Variants in R3HCC1L observed in about 807,000 individuals in gnomAD.
R3HCC1L encodes R3H domain and coiled-coil containing 1 like.
R3HCC1L carries 51 observed loss-of-function variants against 59.9 expected under a neutral mutation model. The observed-to-expected ratio is 0.85, with a 90% CI of 0.68 to 1.07. R3HCC1L has a LOEUF of 1.07. Among genes scored for constraint, R3HCC1L ranks in the 50% least tolerant of loss-of-function variants. The probability of loss-of-function intolerance (pLI) is 0.00; values close to 1 mark genes in which losing one functional copy is unlikely to be tolerated. For missense variants in R3HCC1L, 965 were observed against 933.0 expected (o/e 1.03, Z -0.45); for synonymous variants, 322 against 315.2 (o/e 1.02, Z -0.23).
intron 1 of R3HCC1L, among the ~76,000 whole-genome samples, chr10:98,139,493 TC>T (rs1395482838): frequency 6.6e-6 from 1 of 152,194 alleles, no homozygotes; most frequent in African/African-American, 2.4e-5. Context: ...AAGAGTACCC[TC>T]CTTCTGTTGT....
At chr10:98,140,453 A>C (rs1210569398) in intron 1 of R3HCC1L, among the ~76,000 whole-genome samples, 4 of 152,090 alleles carry the variant, frequency 2.6e-5, no homozygotes, top group Non-Finnish European at 5.9e-5. Flanking sequence ...GCAGAGAGAG[A>C]GGAGGGTCAG....
intron 1 of R3HCC1L, among the ~76,000 whole-genome samples, chr10:98,148,624 G>A (rs1590401584): frequency 6.6e-6 from 1 of 152,238 alleles, no homozygotes; most frequent in East Asian, 1.9e-4. Flanking sequence ...TGCTTTTTCA[G>A]CATCTATAAA....
intron 1 of R3HCC1L, among the ~76,000 whole-genome samples, chr10:98,148,412 C>G (rs1336027075): frequency 2.0e-5 from 3 of 152,094 alleles, no homozygotes; most frequent in Non-Finnish European, 2.9e-5. Flanking sequence ...GCCAGAACTT[C>G]CAGTATTATG....
chr10:98,184,166 G>A (rs551543746), intron 4 of R3HCC1L, among the ~76,000 whole-genome samples: 1 of 151,864 alleles, frequency 6.6e-6, no homozygotes, highest in East Asian at 1.9e-4. Flanking sequence ...TTGTGTTTAG[G>A]GTAGGATTTA....
At chr10:98,232,835 T>G (rs1027280204) in intron 6 of R3HCC1L, among the ~76,000 whole-genome samples, 3 of 152,144 alleles carry the variant, frequency 2.0e-5, no homozygotes, top group African/African-American at 7.2e-5. Context: ...AACTAAAACT[T>G]TATTTATAAA....
chr10:98,244,428 C>G lies in R3HCC1L; in HGVS notation c.*270C>G, dbSNP rs1333763144. On this transcript the variant is annotated 3_prime_UTR_variant, in exon 10 of 10. Transcript: ENST00000298999. ...GGGAGATGTGAATTCCAAGAGTTGC[C>G]TGGACAGGGCAAGTCATGTTAGCGT... The G allele has an allele frequency of 8.1e-5, 28 of 344,222 alleles. No homozygotes were observed. The highest frequency in any genetic ancestry group is 1.1e-5 in the Non-Finnish European group (2 of 181,886). The allele number at this position is 344,222 out of a possible 1,614,324, so 21.3% of individuals were successfully genotyped here.
intron 4 of R3HCC1L, among the ~76,000 whole-genome samples, chr10:98,166,288 C>G (rs1847939892): frequency 1.3e-5 from 2 of 152,228 alleles, no homozygotes; most frequent in Non-Finnish European, 2.9e-5. Flanking sequence ...TGCTCCGGAA[C>G]CAGGCCATGC....
At chr10:98,142,968 CAAA>C (rs143821810) in intron 1 of R3HCC1L, among the ~76,000 whole-genome samples, 2 of 147,584 alleles carry the variant, frequency 1.4e-5, no homozygotes, top group African/African-American at 5.0e-5. Context: ...CAAAACAAAA[CAAA>C]AAAAAAACAG....
chr10:98,200,017 A>G (rs965037857), intron 4 of R3HCC1L, among the ~76,000 whole-genome samples: 3 of 152,044 alleles, frequency 2.0e-5, no homozygotes, highest in Non-Finnish European at 4.4e-5. Context: ...CCAGTTTCTC[A>G]AGATATTTTC....
chr10:98,165,607 A>G (rs951506439), intron 4 of R3HCC1L, among the ~76,000 whole-genome samples: 1 of 152,248 alleles, frequency 6.6e-6, no homozygotes, highest in Non-Finnish European at 1.5e-5. Flanking sequence ...ATTTCTGGAT[A>G]TTATTTGGAT....
In R3HCC1L at chr10:98,235,928, G is replaced by A. The variant is rs997771039; in HGVS notation, c.2129-96G>A. 3 of 1,351,014 alleles carry A rather than the reference G, an allele frequency of 2.2e-6. No homozygotes were observed. The African/African-American group carries it at 4.4e-5, about 20-fold the overall frequency. 83.7% of individuals were successfully genotyped at this position (1,351,014 alleles called of 1,614,324 possible). On this transcript the variant is annotated intron_variant, in intron 8 of 9. Coordinates refer to ENST00000298999, the MANE Select transcript of R3HCC1L (RefSeq NM_001351015.2). Reference sequence around the variant, plus strand: ...ATTACTGCTGATGCAGCCCTTGTTAGTCTATTTTGTATGTTAATTACTGAG... The same window carrying A: ...ATTACTGCTGATGCAGCCCTTGTTAATCTATTTTGTATGTTAATTACTGAG...
chr10:98,193,299 G>A (rs1851055695), intron 4 of R3HCC1L, among the ~76,000 whole-genome samples: 2 of 151,826 alleles, frequency 1.3e-5, no homozygotes, highest in African/African-American at 2.4e-5. Flanking sequence ...GAAATAAAAA[G>A]CATCCAAATT....
At chr10:98,207,481 A>C (rs1409587013) in intron 4 of R3HCC1L, among the ~76,000 whole-genome samples, 1 of 152,202 alleles carries the variant, frequency 6.6e-6, no homozygotes, top group Admixed American at 6.5e-5. Flanking sequence ...TACTGCTGGA[A>C]GCAAGGGAAA....
At chr10:98,221,466 C>T (rs1247415394) in intron 5 of R3HCC1L, among the ~76,000 whole-genome samples, 4 of 151,462 alleles carry the variant, frequency 2.6e-5, no homozygotes, top group African/African-American at 9.7e-5. Flanking sequence ...TGCCTATGTC[C>T]TGAATGGTAA....
At chr10:98,189,851 G>T (rs1850643358) in intron 4 of R3HCC1L, among the ~76,000 whole-genome samples, 1 of 152,168 alleles carries the variant, frequency 6.6e-6, no homozygotes, top group African/African-American at 2.4e-5. Flanking sequence ...TCACACACAA[G>T]TGCCTCTGTG....
At chr10:98,230,587 TC>T (rs1185572618) in intron 5 of R3HCC1L, among the ~76,000 whole-genome samples, 1 of 152,206 alleles carries the variant, frequency 6.6e-6, no homozygotes, top group Admixed American at 6.5e-5. Flanking sequence ...TCAGTTCTGC[TC>T]TGATCTTAGT....
chr10:98,182,488 G>A (rs2134608794), intron 4 of R3HCC1L, among the ~76,000 whole-genome samples: 1 of 152,262 alleles, frequency 6.6e-6, no homozygotes, highest in South Asian at 2.1e-4. Flanking sequence ...GGCTACATGG[G>A]GGGTCAGGGA....
intron 5 of R3HCC1L, among the ~76,000 whole-genome samples, chr10:98,227,524 AGAG>A (rs1855802019): frequency 1.3e-5 from 2 of 151,522 alleles, no homozygotes; most frequent in African/African-American, 2.4e-5. Context: ...AGAGAGAGAG[AGAG>A]AAAAATATTA....
chr10:98,163,547 T>G, intron 4 of R3HCC1L, 150 bp downstream of exon 4: 4 of 455,940 alleles, frequency 8.8e-6, no homozygotes, highest in Non-Finnish European at 1.5e-5. Context: ...CTGAAAGGTA[T>G]AGGGTCTTTT....
Sources: gnomAD v4.1 joint callset for allele counts (sites outside exome capture counted in the v4.1 genomes callset) on GRCh38, gnomAD v4.1.1 for gene constraint, MANE v1.5 for transcripts, NCBI Gene and HGNC (gene_info 2026-07-23, HGNC 2026-07-21) for gene names.